Variants in SHROOM3 observed in about 807,000 individuals in gnomAD.
SHROOM3 encodes protein Shroom3.
Under a neutral mutation model 138.6 loss-of-function variants are expected in SHROOM3, and 47 were observed. The ratio of observed to expected loss-of-function variants is 0.34; its 90% CI spans 0.27 to 0.43. The LOEUF (loss-of-function observed/expected upper bound fraction) is 0.43, where lower values mean the gene tolerates loss of function less well. Among genes scored for constraint, SHROOM3 ranks in the 20% least tolerant of loss-of-function variants. The probability of loss-of-function intolerance (pLI) is 1.00; values close to 1 mark genes in which losing one functional copy is unlikely to be tolerated. For missense variants in SHROOM3, 2,491 were observed against 2,596.5 expected (o/e 0.96, Z 0.88); for synonymous variants, 1,062 against 1,063.3 (o/e 1.00, Z 0.02).
intron 2 of SHROOM3, among the ~76,000 whole-genome samples, chr4:76,709,068 A>G (rs956945564): frequency 4.6e-5 from 7 of 152,242 alleles, no homozygotes; most frequent in Admixed American, 6.5e-5. Context: ...CTGTAGAATA[A>G]AAAGAGATCC....
chr4:76,589,382 G>A (rs184101956), intron 2 of SHROOM3, among the ~76,000 whole-genome samples: 6 of 151,774 alleles, frequency 4.0e-5, no homozygotes, highest in East Asian at 1.9e-4. Context: ...CAGGAGAATC[G>A]CTTGAACCCA....
At chr4:76,725,367 T>C (rs1028265006) in intron 3 of SHROOM3, among the ~76,000 whole-genome samples, 8 of 152,226 alleles carry the variant, frequency 5.3e-5, no homozygotes, top group Admixed American at 3.3e-4. Context: ...ATTTGCTCTT[T>C]CCTGCAGAAT....
At chr4:76,736,116 C>CAGGAAA in intron 4 of SHROOM3, among the ~76,000 whole-genome samples, 1 of 135,252 alleles carries the variant, frequency 7.4e-6, no homozygotes, top group African/African-American at 2.8e-5. Flanking sequence ...TCCATTTCCC[C>CAGGAAA]TGGAAGTATT....
chr4:76,670,198 T>C (rs910248443), intron 2 of SHROOM3, among the ~76,000 whole-genome samples: 6 of 152,240 alleles, frequency 3.9e-5, no homozygotes, highest in Admixed American at 6.5e-5. Flanking sequence ...CAAGTGTTCA[T>C]CAACTTGTAA....
intron 2 of SHROOM3, chr4:76,559,610 C>T (rs1480532448): frequency 6.6e-6 from 1 of 152,098 alleles, no homozygotes; most frequent in African/African-American, 2.4e-5. Flanking sequence ...CTCTTTTTCT[C>T]TTAAAGTTAT....
intron 1 of SHROOM3, among the ~76,000 whole-genome samples, chr4:76,478,078 G>C (rs773585710): frequency 1.4e-4 from 22 of 152,152 alleles, no homozygotes; most frequent in Non-Finnish European, 3.1e-4. Flanking sequence ...GCTAGCTACA[G>C]GAGTTTATTT....
At chr4:76,702,769 T>C (rs1057404483) in intron 2 of SHROOM3, among the ~76,000 whole-genome samples, 1 of 152,188 alleles carries the variant, frequency 6.6e-6, no homozygotes, top group African/African-American at 2.4e-5. Context: ...TATGCACTTG[T>C]CCTGGGCTAC....
intron 1 of SHROOM3, among the ~76,000 whole-genome samples, chr4:76,515,525 A>G (rs1732426897): frequency 6.6e-6 from 1 of 152,136 alleles, no homozygotes. Flanking sequence ...TATTGTTATT[A>G]TTATTATTTC....
At chr4:76,639,597 T>C (rs537639282) in intron 2 of SHROOM3, 1 of 398,580 alleles carries the variant, frequency 2.5e-6, no homozygotes, top group East Asian at 3.6e-5. Context: ...CTGGCTCTGA[T>C]GCTTCCCAGA....
chr4:76,510,205 T>C (rs189027212), intron 1 of SHROOM3, among the ~76,000 whole-genome samples: 183 of 152,328 alleles, frequency 1.2e-3, no homozygotes, highest in African/African-American at 4.2e-3. Flanking sequence ...TATTTTATAG[T>C]ACAAACGTGT....
At chr4:76,651,403 T>TAAATAA (rs1294195338) in intron 2 of SHROOM3, among the ~76,000 whole-genome samples, 2 of 12,138 alleles carry the variant, frequency 1.6e-4, no homozygotes, top group African/African-American at 1.0e-3. Flanking sequence ...AACCCATAAA[T>TAAATAA]ATATATATAT....
intron 2 of SHROOM3, among the ~76,000 whole-genome samples, chr4:76,643,492 T>C (rs1338668749): frequency 1.3e-5 from 2 of 152,110 alleles, no homozygotes; most frequent in Non-Finnish European, 2.9e-5. Flanking sequence ...CTTCAGCAGG[T>C]TCATGGGAAG....
intron 2 of SHROOM3, among the ~76,000 whole-genome samples, chr4:76,646,893 C>G (rs1239467881): frequency 6.6e-6 from 1 of 152,098 alleles, no homozygotes; most frequent in Non-Finnish European, 1.5e-5. Flanking sequence ...TAGAACTACC[C>G]TTTGAGCCAG....
In SHROOM3 at chr4:76,782,300, T is replaced by G. The variant is rs1034759938; in HGVS notation, c.*3123T>G. Reference sequence around the variant, plus strand: ...TGTTTTGCACAGCTGGTTTCCAGACTAGAAGATTAACAAGTTTGGGTCCAC... The same window carrying G: ...TGTTTTGCACAGCTGGTTTCCAGACGAGAAGATTAACAAGTTTGGGTCCAC... On this transcript the variant is annotated 3_prime_UTR_variant, in exon 11 of 11. Transcript: ENST00000296043. The G allele has an allele frequency of 4.6e-5, 7 of 152,216 alleles. No individual in the cohort carries two copies. Among genetic ancestry groups the G allele is most frequent in the African/African-American group, 7.2e-5 (3 of 41,450 alleles). 9.4% of individuals were successfully genotyped at this position (152,216 alleles called of 1,614,324 possible).
intron 1 of SHROOM3, among the ~76,000 whole-genome samples, chr4:76,492,059 C>CTGCT (rs1327025899): frequency 6.6e-6 from 1 of 152,188 alleles, no homozygotes; most frequent in Non-Finnish European, 1.5e-5. Context: ...GCCCGCTTTG[C>CTGCT]TGCTAGGTGA....
chr4:76,740,820 G>C lies in SHROOM3; in HGVS notation c.2647G>C (p.Ala883Pro), dbSNP rs753467194. ...CGGCCGTGGCCCCCAGAGGCCGGAC[G>C]CTCGGCTCCTCCGTAGCCAGAGCAC... The part of the protein sequence containing the change: ...DSGRGPQRPD[A>P]RLLRSQSTFQ... The change falls in exon 5 of 11, where the codon GCT becomes CCT. Residue 883 changes from alanine (A) to proline (P), a missense_variant. Coordinates refer to ENST00000296043, the MANE Select transcript of SHROOM3 (RefSeq NM_020859.4). The surrounding 1 kb of genome is among the most constrained non-coding windows in gnomAD (Gnocchi z 4.0). 2 of 1,603,002 alleles carry C rather than the reference G, an allele frequency of 1.2e-6. No homozygotes were observed. Among genetic ancestry groups the C allele is most frequent in the East Asian group, 2.2e-5 (1 of 44,746 alleles).
At position 76,722,795 on chromosome 4, in the gene SHROOM3, C is replaced by CT. The variant is rs566678003; in HGVS notation, c.456-8003dup. On this transcript the variant is annotated intron_variant, in intron 3 of 10. Coordinates refer to ENST00000296043, the MANE Select transcript of SHROOM3 (RefSeq NM_020859.4). ...CAGAATATATTGATGTATTTTGTTT[C>CT]TTTTTTGGGGGATATGGGGGTGTTT... is the stretch of plus-strand genomic sequence containing the variant. Among the ~76,000 whole-genome samples the CT allele has an allele frequency of 3.8e-4, 57 of 151,870 alleles. No homozygotes were observed. The East Asian group carries it at 9.1e-3, about 24-fold the overall frequency.
At chr4:76,737,457 A>G (rs1721106742) in intron 4 of SHROOM3, among the ~76,000 whole-genome samples, 2 of 152,112 alleles carry the variant, frequency 1.3e-5, no homozygotes, top group South Asian at 4.1e-4. Flanking sequence ...GAATGTGATC[A>G]CTGGATCTTA....
At chr4:76,549,014 A>C (rs1046679652) in intron 1 of SHROOM3, among the ~76,000 whole-genome samples, 2 of 152,206 alleles carry the variant, frequency 1.3e-5, no homozygotes, top group Non-Finnish European at 2.9e-5. Flanking sequence ...ATTGGTCCAA[A>C]AGTTTAAAAT....
Sources: gnomAD v4.1 joint callset for allele counts (sites outside exome capture counted in the v4.1 genomes callset) on GRCh38, gnomAD v4.1.1 for gene constraint, Gnocchi (gnomAD v3.1) non-coding constraint, MANE v1.5 for transcripts, NCBI Gene and HGNC (gene_info 2026-07-23, HGNC 2026-07-21) for gene names.